PLCH1: variants seen among roughly 807,000 people sequenced by gnomAD.
The protein encoded by PLCH1 is phospholipase C eta 1, also known as 1-phosphatidylinositol 4,5-bisphosphate phosphodiesterase eta-1.
PLCH1 carries 60 observed loss-of-function variants against 126.7 expected under a neutral mutation model. The ratio of observed to expected loss-of-function variants is 0.47; its 90% CI spans 0.38 to 0.59. The LOEUF (loss-of-function observed/expected upper bound fraction) is 0.59, where lower values mean the gene tolerates loss of function less well. Among genes scored for constraint, PLCH1 ranks in the 20% least tolerant of loss-of-function variants. PLCH1 has a pLI of 0.00. For synonymous variants in PLCH1, 719 were observed against 734.9 expected, an observed-to-expected ratio of 0.98 and a Z score of 0.35; for missense variants, 1,723 against 2,040.0, an observed-to-expected ratio of 0.84 and a Z score of 2.99.
chr3:155,485,332 T>C, intron 22 of PLCH1, 24 bp downstream of exon 22: 1 of 1,495,530 alleles, frequency 6.7e-7, no homozygotes, highest in Non-Finnish European at 9.3e-7. Flanking sequence ...GGGTTTATTC[T>C]CAGAGAAACT....
In PLCH1 at chr3:155,581,406, T is replaced by A. The variant is rs142521793; in HGVS notation, c.771+2066A>T. Among the ~76,000 whole-genome samples the A allele has an allele frequency of 3.0e-3, 463 of 152,288 alleles. 2 individuals carry two copies. The highest frequency in any genetic ancestry group is 0.02 in the South Asian group (98 of 4,822). ...AAAAAGCAAATGACCCAAATTTCCA[T>A]CAACTGATGAATATATAAACAAAAT... On this transcript the variant is annotated intron_variant, in intron 6 of 22. Transcript: ENST00000460012.
In PLCH1 at chr3:155,568,334, A is replaced by G. The variant is rs1276690622; in HGVS notation, c.772-10T>C. 1.7e-6 allele frequency: 2 copies of G among 1,150,286 alleles called. No individual in the cohort carries two copies. The highest frequency in any genetic ancestry group is 2.6e-5 in the South Asian group (2 of 77,878). 71.3% of individuals were successfully genotyped at this position (1,150,286 alleles called of 1,614,324 possible). On this transcript the variant is annotated splice_polypyrimidine_tract_variant and intron_variant, in intron 6 of 22. Transcript: ENST00000460012. Reference sequence around the variant, plus strand: ...TTGTCACATTATTCATCTAAGAAAAACAGAATACTAGTAGAGTACCTGCAA... The same window carrying G: ...TTGTCACATTATTCATCTAAGAAAAGCAGAATACTAGTAGAGTACCTGCAA...
At chr3:155,678,634 G>T (rs1317076327) in intron 2 of PLCH1, among the ~76,000 whole-genome samples, 1 of 152,162 alleles carries the variant, frequency 6.6e-6, no homozygotes, top group Non-Finnish European at 1.5e-5. Context: ...CCAACAGAAG[G>T]TCATGTACGA....
At chr3:155,691,978 C>T (rs1354163650) in intron 2 of PLCH1, among the ~76,000 whole-genome samples, 2 of 151,558 alleles carry the variant, frequency 1.3e-5, no homozygotes, top group Non-Finnish European at 2.9e-5. Context: ...TTGCAGTGAG[C>T]CAAGATTGCA....
intron 2 of PLCH1, among the ~76,000 whole-genome samples, chr3:155,687,980 T>G (rs1745082952): frequency 1.3e-5 from 2 of 152,184 alleles, no homozygotes; most frequent in Non-Finnish European, 2.9e-5. Context: ...TACAGTGAAA[T>G]CCTTACTGGA....
intron 2 of PLCH1, among the ~76,000 whole-genome samples, chr3:155,660,870 T>C (rs992510865): frequency 6.6e-6 from 1 of 152,230 alleles, no homozygotes; most frequent in African/African-American, 2.4e-5. Flanking sequence ...TCATAGGTAA[T>C]TGAATTTCAT....
chr3:155,526,441 CTT>C (rs1374542033), intron 10 of PLCH1, among the ~76,000 whole-genome samples: 1 of 150,128 alleles, frequency 6.7e-6, no homozygotes, highest in East Asian at 2.0e-4. Flanking sequence ...CTCTCTCTCT[CTT>C]TTTCTCTCTC....
chr3:155,599,065 T>G (rs986739708), intron 2 of PLCH1, among the ~76,000 whole-genome samples: 2 of 134,118 alleles, frequency 1.5e-5, no homozygotes, highest in Non-Finnish European at 3.1e-5. Flanking sequence ...TCTACCTTTT[T>G]CAAGCCAGGA....
chr3:155,500,603 G>A, intron 14 of PLCH1, 100 bp downstream of exon 14: 1 of 732,078 alleles, frequency 1.4e-6, no homozygotes, highest in East Asian at 2.6e-5. Flanking sequence ...TACTTTCCTT[G>A]TGATCCAATT....
At chr3:155,680,553 C>T (rs1372434899) in intron 2 of PLCH1, among the ~76,000 whole-genome samples, 1 of 152,114 alleles carries the variant, frequency 6.6e-6, no homozygotes, top group African/African-American at 2.4e-5. Context: ...CATACAGGTA[C>T]CTCAATTAAG....
chr3:155,456,962 G>A (rs1373951647), intron 21 of PLCH1: 1 of 152,590 alleles, frequency 6.6e-6, no homozygotes, highest in Non-Finnish European at 1.5e-5. Flanking sequence ...TTCCACAGGA[G>A]GTCATCCCAA....
chr3:155,628,821 G>T (rs1033397145), intron 2 of PLCH1, among the ~76,000 whole-genome samples: 2 of 152,052 alleles, frequency 1.3e-5, no homozygotes, highest in South Asian at 4.1e-4. Flanking sequence ...TTGTTGAGGC[G>T]TTTTCTTGTC....
intron 10 of PLCH1, among the ~76,000 whole-genome samples, chr3:155,540,484 A>T (rs921756963): frequency 6.6e-6 from 1 of 152,146 alleles, no homozygotes; most frequent in Admixed American, 6.5e-5. Flanking sequence ...ATCTTCACAA[A>T]CTATGTATCT....
At chr3:155,684,257 A>G (rs187398580) in intron 2 of PLCH1, among the ~76,000 whole-genome samples, 5 of 152,314 alleles carry the variant, frequency 3.3e-5, no homozygotes, top group African/African-American at 1.2e-4. Context: ...AAACATAGAG[A>G]TAACCATAAA....
At chr3:155,669,856 G>A (rs4679753) in intron 2 of PLCH1, among the ~76,000 whole-genome samples, 8,668 of 152,186 alleles carry the variant, frequency 0.057, 442 homozygotes, top group African/African-American at 0.13. Context: ...TGGCTCACAC[G>A]ATGTATAGTC....
chr3:155,712,808 G>C (rs1355494392), intron 1 of PLCH1, among the ~76,000 whole-genome samples: 1 of 150,760 alleles, frequency 6.6e-6, no homozygotes, highest in East Asian at 1.9e-4. Flanking sequence ...CTAAGTAGAG[G>C]AATTTGTCTA....
At chr3:155,626,801 G>GAAAAAAAAAAAAAAAAAAAAAAAAAAAAA (rs1737355762) in intron 2 of PLCH1, among the ~76,000 whole-genome samples, 1 of 126,410 alleles carries the variant, frequency 7.9e-6, no homozygotes. Flanking sequence ...AAAAAAAAAG[G>GAAAAAAAAAAAAAAAAAAAAAAAAAAAAA]AAAAAGATGA....
chr3:155,458,125 T>A (rs895173293), intron 21 of PLCH1, among the ~76,000 whole-genome samples: 8 of 151,972 alleles, frequency 5.3e-5, no homozygotes, highest in African/African-American at 1.5e-4. Flanking sequence ...GCAGATCACT[T>A]GAGGTCAGGA....
At position 155,591,570 on chromosome 3, in the gene PLCH1, C is replaced by T. The variant is rs565270089; in HGVS notation, c.470+2371G>A. 8.5e-5 allele frequency among the ~76,000 whole-genome samples: 13 copies of T among 152,188 alleles called. No individual in the cohort carries two copies. The South Asian group carries it at 1.2e-3, about 15-fold the overall frequency. Reference sequence around the variant, plus strand: ...CAGTGAAGCAATACTGTTTTTCTAACGTGTTTTGCTTTGAAAAAATACTTG... The same window carrying T: ...CAGTGAAGCAATACTGTTTTTCTAATGTGTTTTGCTTTGAAAAAATACTTG... On this transcript the variant is annotated intron_variant, in intron 4 of 22. Coordinates refer to ENST00000460012, the MANE Select transcript of PLCH1 (RefSeq NM_014996.4).
Sources: allele counts gnomAD v4.1 joint callset (sites outside exome capture counted in the v4.1 genomes callset), GRCh38; gene constraint gnomAD v4.1.1; transcripts MANE v1.5; gene names NCBI Gene and HGNC (gene_info 2026-07-23, HGNC 2026-07-21).